The following KDM4C variants were observed in gnomAD, a reference collection of about 807,000 sequenced individuals.
The protein encoded by KDM4C is lysine-specific demethylase 4C.
A neutral mutation model predicts 129.3 loss-of-function variants in KDM4C; 81 were observed. The observed-to-expected ratio is 0.63, with a 90% CI of 0.52 to 0.75. KDM4C has a LOEUF of 0.75. Among genes scored for constraint, KDM4C ranks in the 30% least tolerant of loss-of-function variants. The probability of loss-of-function intolerance (pLI) is 0.00; values close to 1 mark genes in which losing one functional copy is unlikely to be tolerated. For missense variants in KDM4C, 1,457 were observed against 1,304.0 expected (o/e 1.12, Z -1.81); for synonymous variants, 573 against 456.1 (o/e 1.26, Z -3.26).
intron 15 of KDM4C, among the ~76,000 whole-genome samples, chr9:7,016,488 G>A (rs1019478042): frequency 6.7e-6 from 1 of 148,496 alleles, no homozygotes. Context: ...ATGCAGTGGC[G>A]TGAGCTCAGC....
upstream of KDM4C, among the ~76,000 whole-genome samples, chr9:6,753,299 G>C (rs1448580664): frequency 6.6e-6 from 1 of 152,150 alleles, no homozygotes; most frequent in African/African-American, 2.4e-5. Flanking sequence ...CTAAGAGTAA[G>C]CACACCAGGC....
intron 19 of KDM4C, among the ~76,000 whole-genome samples, chr9:7,138,305 T>A (rs1841416443): frequency 6.6e-6 from 1 of 152,202 alleles, no homozygotes; most frequent in Non-Finnish European, 1.5e-5. Context: ...ATCATCTAAT[T>A]TTTTGCCTTT....
At chr9:6,781,939 C>G (rs895422982) in intron 1 of KDM4C, among the ~76,000 whole-genome samples, 4 of 152,018 alleles carry the variant, frequency 2.6e-5, no homozygotes, top group African/African-American at 7.2e-5. Context: ...ATTCTCCTGC[C>G]TCAGCCTCCT....
rs749036928 is a variant in KDM4C, at chr9:6,880,045, T to G, written c.663T>G (p.Leu221=). The stretch of plus-strand genomic sequence containing the variant: ...TACCTCCGGAGCATGGAAAACGACT[T>G]GAAAGACTAGCTCAAGGTAAAACTT... ...YAIPPEHGKR[L]ERLAQGFFPS... Residue 221 remains leucine, a synonymous_variant, in exon 6 of 22, where the codon CTT becomes CTG. Coordinates refer to ENST00000381309, the MANE Select transcript of KDM4C (RefSeq NM_015061.6). 4 of 1,601,028 alleles carry G rather than the reference T, an allele frequency of 2.5e-6. 1 individual carries two copies. In the South Asian group the frequency reaches 4.5e-5, roughly 18 times the overall value.
At chr9:6,975,507 T>C (rs987830031) in intron 8 of KDM4C, among the ~76,000 whole-genome samples, 10 of 152,228 alleles carry the variant, frequency 6.6e-5, no homozygotes, top group Non-Finnish European at 1.0e-4. Flanking sequence ...TGTTACTTAT[T>C]AGGTATGTGA....
intron 1 of KDM4C, among the ~76,000 whole-genome samples, chr9:6,764,604 T>G (rs144449976): frequency 2.0e-5 from 3 of 152,328 alleles, no homozygotes; most frequent in Non-Finnish European, 4.4e-5. Flanking sequence ...GAATGTTTAG[T>G]TAACTGTTGC....
In KDM4C at chr9:7,019,404, T is replaced by C. The variant is rs373017590; in HGVS notation, c.2259+3475T>C. Among the ~76,000 whole-genome samples, 9 of 152,044 alleles carry C rather than the reference T, an allele frequency of 5.9e-5. 1 individual carries two copies. In the South Asian group the frequency reaches 6.2e-4, roughly 11 times the overall value. ...GCAGCTGAAGTCAGATGATATTTCA[T>C]TGGTGGCTTGTAGTTCACTAACTCT... On this transcript the variant is annotated intron_variant, in intron 15 of 21. Transcript: ENST00000381309.
At chr9:7,073,930 C>G (rs900114989) in intron 17 of KDM4C, among the ~76,000 whole-genome samples, 1 of 152,060 alleles carries the variant, frequency 6.6e-6, no homozygotes, top group African/African-American at 2.4e-5. Context: ...GCAGGTGTCT[C>G]GGAAACCTAA....
intron 4 of KDM4C, among the ~76,000 whole-genome samples, chr9:6,831,822 C>T (rs1037670240): frequency 1.3e-5 from 2 of 152,144 alleles, no homozygotes; most frequent in Non-Finnish European, 2.9e-5. Flanking sequence ...GCTGACCTTT[C>T]GTTGGCCAGA....
At chr9:7,036,260 G>A (rs982497253) in intron 15 of KDM4C, among the ~76,000 whole-genome samples, 4 of 152,046 alleles carry the variant, frequency 2.6e-5, no homozygotes, top group African/African-American at 7.2e-5. Flanking sequence ...TTTGTTGTCA[G>A]TGGTCATGCT....
At chr9:6,940,416 T>A (rs990545425) in intron 8 of KDM4C, among the ~76,000 whole-genome samples, 1 of 152,224 alleles carries the variant, frequency 6.6e-6, no homozygotes, top group Non-Finnish European at 1.5e-5. Flanking sequence ...TGTCACTACC[T>A]TGGAGAACAA....
intron 1 of KDM4C, among the ~76,000 whole-genome samples, chr9:6,722,258 A>C (rs1816979962): frequency 6.6e-6 from 1 of 152,148 alleles, no homozygotes; most frequent in Non-Finnish European, 1.5e-5. Flanking sequence ...TTGCCTAAGC[A>C]GTGAATTGGG....
chr9:6,978,004 C>T (rs1234249428), intron 8 of KDM4C, among the ~76,000 whole-genome samples: 1 of 152,040 alleles, frequency 6.6e-6, no homozygotes, highest in Non-Finnish European at 1.5e-5. Context: ...GTCAGGTTAC[C>T]AAAAAGCAAT....
At chr9:6,963,701 A>G (rs2131619845) in intron 8 of KDM4C, among the ~76,000 whole-genome samples, 1 of 152,322 alleles carries the variant, frequency 6.6e-6, no homozygotes, top group South Asian at 2.1e-4. Flanking sequence ...CTTCTCTTGC[A>G]ATGTGTCCTG....
chr9:6,985,644 GAGTT>G (rs1586712401), intron 10 of KDM4C, among the ~76,000 whole-genome samples: 1 of 152,132 alleles, frequency 6.6e-6, no homozygotes, highest in East Asian at 1.9e-4. Context: ...GCAGAATAGA[GAGTT>G]AGGCAATACA....
chr9:6,902,464 G>A (rs1817573820), intron 8 of KDM4C, among the ~76,000 whole-genome samples: 1 of 152,182 alleles, frequency 6.6e-6, no homozygotes, highest in Admixed American at 6.5e-5. Context: ...TTGTCGTTCT[G>A]TGTGGAATAG....
At chr9:6,835,708 C>G (rs1588599219) in intron 4 of KDM4C, 3 of 659,232 alleles carry the variant, frequency 4.6e-6, no homozygotes, top group East Asian at 5.2e-5. Context: ...TTTGGCTTGA[C>G]TCAGGATTTA....
In KDM4C at chr9:7,066,300, C is replaced by G. The variant is rs150333773; in HGVS notation, c.2424+17100C>G. On this transcript the variant is annotated intron_variant, in intron 17 of 21. Coordinates refer to ENST00000381309, the MANE Select transcript of KDM4C (RefSeq NM_015061.6). ...ATTCCAGAAGGATGTATGGTATCCC[C>G]CTCTCCACCCCGCAAAGGATTTAGA... Among the ~76,000 whole-genome samples the G allele has an allele frequency of 7.9e-4, 120 of 152,252 alleles. 1 individual carries two copies. The East Asian group carries it at 0.019, about 24-fold the overall frequency.
intron 8 of KDM4C, among the ~76,000 whole-genome samples, chr9:6,935,603 T>C (rs959912041): frequency 2.0e-5 from 3 of 151,010 alleles, no homozygotes; most frequent in Admixed American, 6.6e-5. Flanking sequence ...TTTTTTGAGA[T>C]GGATATTGTG....
Sources: allele counts gnomAD v4.1 joint callset (sites outside exome capture counted in the v4.1 genomes callset), GRCh38; gene constraint gnomAD v4.1.1; transcripts MANE v1.5; gene names NCBI Gene and HGNC (gene_info 2026-07-23, HGNC 2026-07-21).